Variants in BMP6 observed in about 807,000 individuals in gnomAD.
BMP6 encodes the protein bone morphogenetic protein 6.
In BMP6, 17 loss-of-function variants were observed where a neutral mutation model predicts 54.1. That is an observed-to-expected ratio of 0.31 (90% CI 0.22 to 0.47). The LOEUF (loss-of-function observed/expected upper bound fraction) is 0.47, where lower values mean the gene tolerates loss of function less well. Among genes scored for constraint, BMP6 ranks in the 20% least tolerant of loss-of-function variants. The pLI, the probability that BMP6 is intolerant of heterozygous loss-of-function variation, is 1.00. For missense variants in BMP6, 720 were observed against 690.4 expected, an observed-to-expected ratio of 1.04 and a Z score of -0.48; for synonymous variants, 328 against 291.2, an observed-to-expected ratio of 1.13 and a Z score of -1.28.
intron 4 of BMP6, 86 bp downstream of exon 4, chr6:7,862,584 G>C: frequency 6.6e-7 from 1 of 1,524,680 alleles, no homozygotes; most frequent in Non-Finnish European, 9.0e-7. Context: ...CAGATGTCGG[G>C]CAGCTTCTGC....
At chr6:7,733,588 G>A (rs999310202) in intron 1 of BMP6, among the ~76,000 whole-genome samples, 2 of 152,186 alleles carry the variant, frequency 1.3e-5, no homozygotes, top group African/African-American at 4.8e-5. Flanking sequence ...CACCTGGGGG[G>A]CAGATATAGG....
chr6:7,853,875 A>T (rs1759183315), intron 2 of BMP6, among the ~76,000 whole-genome samples: 1 of 150,838 alleles, frequency 6.6e-6, no homozygotes, highest in Admixed American at 6.6e-5. Context: ...TCAAGGGCAT[A>T]TGACTTATAC....
chr6:7,773,388 C>T (rs576162929), intron 1 of BMP6, among the ~76,000 whole-genome samples: 4 of 152,148 alleles, frequency 2.6e-5, no homozygotes, highest in Admixed American at 6.5e-5. Flanking sequence ...GTTCATTCGC[C>T]CCGGTGCATT....
chr6:7,728,608 C>T (rs1360298093), intron 1 of BMP6, among the ~76,000 whole-genome samples: 1 of 152,152 alleles, frequency 6.6e-6, no homozygotes, highest in African/African-American at 2.4e-5. Context: ...CACTGCTTTT[C>T]ATTCATAAGC....
At chr6:7,846,811 TCACTGA>T (rs1426609036) in intron 2 of BMP6, among the ~76,000 whole-genome samples, 1 of 152,232 alleles carries the variant, frequency 6.6e-6, no homozygotes, top group Non-Finnish European at 1.5e-5. Flanking sequence ...TAATTGGTAT[TCACTGA>T]CTCTTTGGAA....
chr6:7,852,873 G>A (rs1456448752), intron 2 of BMP6, among the ~76,000 whole-genome samples: 1 of 152,204 alleles, frequency 6.6e-6, no homozygotes, highest in Non-Finnish European at 1.5e-5. Context: ...AGAGGAAAGG[G>A]ACTACACAGA....
chr6:7,773,943 G>A (rs1757825359), intron 1 of BMP6, among the ~76,000 whole-genome samples: 1 of 152,146 alleles, frequency 6.6e-6, no homozygotes, highest in African/African-American at 2.4e-5. Flanking sequence ...GTTATTCCCT[G>A]GGAATGTATG....
intron 4 of BMP6, among the ~76,000 whole-genome samples, chr6:7,873,224 G>T (rs1759557001): frequency 6.6e-6 from 1 of 152,220 alleles, no homozygotes; most frequent in African/African-American, 2.4e-5. Flanking sequence ...GGGCAGCCAT[G>T]CTTCTGTCTG....
chr6:7,857,434 AAT>A (rs1373647231), intron 2 of BMP6, among the ~76,000 whole-genome samples: 3 of 152,220 alleles, frequency 2.0e-5, no homozygotes, highest in Non-Finnish European at 4.4e-5. Context: ...TTGAGAACAA[AAT>A]AGTCAATAAC....
chr6:7,765,298 C>T (rs56093993), intron 1 of BMP6, among the ~76,000 whole-genome samples: 12,309 of 152,220 alleles, frequency 0.081, 606 homozygotes, highest in Admixed American at 0.12. Flanking sequence ...AGTTTGACCA[C>T]ATTTATTATT....
intron 1 of BMP6, among the ~76,000 whole-genome samples, chr6:7,823,419 A>C (rs1045324211): frequency 2.6e-5 from 4 of 152,234 alleles, no homozygotes; most frequent in African/African-American, 9.6e-5. Flanking sequence ...ACTATCAGCT[A>C]TGTGACATAT....
intron 1 of BMP6, among the ~76,000 whole-genome samples, chr6:7,740,785 CT>C (rs921475539): frequency 3.9e-5 from 6 of 152,334 alleles, no homozygotes; most frequent in African/African-American, 1.4e-4. Context: ...AGTGATCCTG[CT>C]TTTGAAATCT....
intron 1 of BMP6, among the ~76,000 whole-genome samples, chr6:7,752,202 T>C (rs1256284508): frequency 6.6e-6 from 1 of 152,224 alleles, no homozygotes; most frequent in African/African-American, 2.4e-5. Context: ...AACTCTGTCA[T>C]GGCAGTGTGG....
Position 7,726,967 on chromosome 6 carries a change from G to A in BMP6, c.12G>A (p.Leu4=). The A allele has an allele frequency of 8.8e-7, 1 of 1,135,160 alleles. No homozygotes were observed. Among genetic ancestry groups the A allele is most frequent in the Non-Finnish European group, 1.1e-6 (1 of 926,202 alleles). The allele number at this position is 1,135,160 out of a possible 1,614,324, so 70.3% of individuals were successfully genotyped here. ...CCGGCCGGGCGGGGATGCCGGGGCT[G>A]GGGCGGAGGGCGCAGTGGCTGTGCT... MPG[L]GRRAQWLCWW... The change falls in exon 1 of 7, where the codon CTG becomes CTA. Residue 4 remains leucine, a synonymous_variant. Coordinates refer to ENST00000283147, the MANE Select transcript of BMP6 (RefSeq NM_001718.6).
At chr6:7,735,956 C>T (rs1406663021) in intron 1 of BMP6, among the ~76,000 whole-genome samples, 1 of 152,104 alleles carries the variant, frequency 6.6e-6, no homozygotes, top group Admixed American at 6.5e-5. Context: ...ATTCAAAATA[C>T]GCAGAGTTCG....
chr6:7,772,265 A>G (rs1448215925), intron 1 of BMP6, among the ~76,000 whole-genome samples: 2 of 152,088 alleles, frequency 1.3e-5, no homozygotes, highest in Non-Finnish European at 2.9e-5. Flanking sequence ...TCTTCTTGTC[A>G]TTGTTCACGG....
chr6:7,831,527 G>T (rs1315201994), intron 1 of BMP6, among the ~76,000 whole-genome samples: 5 of 152,150 alleles, frequency 3.3e-5, no homozygotes. Flanking sequence ...TTGAATTAAG[G>T]ATGCAATTTA....
At chr6:7,751,418 A>T (rs555227699) in intron 1 of BMP6, among the ~76,000 whole-genome samples, 1 of 152,350 alleles carries the variant, frequency 6.6e-6, no homozygotes, top group South Asian at 2.1e-4. Context: ...AATAACAAGG[A>T]TGAATCTTTG....
intron 1 of BMP6, among the ~76,000 whole-genome samples, chr6:7,790,088 C>T (rs1758072817): frequency 6.6e-6 from 1 of 152,106 alleles, no homozygotes; most frequent in African/African-American, 2.4e-5. Context: ...GAGGTGTTGT[C>T]TAGGGCTGTT....
Sources: allele counts gnomAD v4.1 joint callset (sites outside exome capture counted in the v4.1 genomes callset), GRCh38; gene constraint gnomAD v4.1.1; transcripts MANE v1.5; gene names NCBI Gene and HGNC (gene_info 2026-07-23, HGNC 2026-07-21).